Variants in PICALM observed in about 807,000 individuals in gnomAD.
The protein encoded by PICALM is phosphatidylinositol binding clathrin assembly protein.
In PICALM, 40 loss-of-function variants were observed where a neutral mutation model predicts 80.5. That is an observed-to-expected ratio of 0.50 (90% CI 0.39 to 0.65). The LOEUF is 0.65. Among genes scored for constraint, PICALM ranks in the 30% least tolerant of loss-of-function variants. The pLI is 0.00. For missense variants in PICALM, 676 were observed against 778.9 expected (o/e 0.87, Z 1.57); for synonymous variants, 288 against 260.3 (o/e 1.11, Z -1.02).
chr11:86,035,789 A>C (rs1387052612), intron 1 of PICALM, among the ~76,000 whole-genome samples: 1 of 151,612 alleles, frequency 6.6e-6, no homozygotes, highest in Non-Finnish European at 1.5e-5. Context: ...CTAAAAAAAA[A>C]ACACAAAAAT....
At chr11:85,982,350 AT>A (rs1300216698) in intron 14 of PICALM, among the ~76,000 whole-genome samples, 6 of 151,844 alleles carry the variant, frequency 4.0e-5, no homozygotes, top group Non-Finnish European at 1.5e-5. Context: ...ATCTAAAGCA[AT>A]ATAGGTTAAA....
At chr11:85,978,651 A>AG (rs1185944745) in intron 17 of PICALM, 2 of 152,134 alleles carry the variant, frequency 1.3e-5, no homozygotes. Context: ...AAACTCCATA[A>AG]AATACATATA....
At chr11:86,010,931 G>T (rs532670664) in intron 7 of PICALM, 99 bp downstream of exon 7, 3 of 658,976 alleles carry the variant, frequency 4.6e-6, no homozygotes, top group Non-Finnish European at 8.1e-6. Context: ...ATACTAAATT[G>T]AAGACATTTA....
At chr11:86,061,900 A>G (rs1350576618) in intron 1 of PICALM, among the ~76,000 whole-genome samples, 2 of 152,136 alleles carry the variant, frequency 1.3e-5, no homozygotes, top group Admixed American at 6.5e-5. Flanking sequence ...ACCCGGGTAT[A>G]TCCAGATAAT....
intron 1 of PICALM, among the ~76,000 whole-genome samples, chr11:86,039,696 T>C (rs1199845066): frequency 1.3e-5 from 2 of 152,136 alleles, no homozygotes; most frequent in Non-Finnish European, 2.9e-5. Flanking sequence ...CCTGGGAATA[T>C]ATACCACATA....
At chr11:85,999,803 T>C (rs1157617552) in intron 11 of PICALM, among the ~76,000 whole-genome samples, 1 of 152,218 alleles carries the variant, frequency 6.6e-6, no homozygotes, top group Non-Finnish European at 1.5e-5. Context: ...ACATTTAACA[T>C]GTGCTAATAA....
chr11:86,002,189 T>C (rs999004132), intron 9 of PICALM, among the ~76,000 whole-genome samples: 4 of 152,230 alleles, frequency 2.6e-5, no homozygotes. Flanking sequence ...ATGAGACTTA[T>C]TGTTTTGACT....
At chr11:85,986,548 G>A (rs988825824) in intron 13 of PICALM, among the ~76,000 whole-genome samples, 81 of 150,504 alleles carry the variant, frequency 5.4e-4, no homozygotes, top group Admixed American at 5.0e-3. Context: ...CCGCCACCGC[G>A]CCCGGCTAAT....
rs1202577739 is a variant in PICALM at position 86,001,105 on chromosome 11, A to G, written c.947T>C (p.Leu316Pro). The G allele has an allele frequency of 6.2e-7, 1 of 1,613,998 alleles. No homozygotes were observed. The highest frequency in any genetic ancestry group is 8.5e-7 in the Non-Finnish European group (1 of 1,179,846). ...CTTTTCCCTTTCATCCACTTTGGTC[A>G]GAGATAGACCAGTGCTTGCCAGGGA... Reference protein sequence around the residue: ...VSSLASTGLSLTKVDEREKQA... With the variant: ...VSSLASTGLSPTKVDEREKQA... The change falls in exon 10 of 20, where the codon CTG becomes CCG. Residue 316 changes from leucine to proline, a missense_variant. Leu to Pro is a moderately conservative substitution (Grantham distance 98). This residue lies in a region of PICALM where 285 missense variants were observed against 395.4 expected (regional missense o/e 0.72). Transcript: ENST00000393346.
chr11:85,971,410 T>G (rs1243629165), intron 19 of PICALM, among the ~76,000 whole-genome samples: 1 of 152,102 alleles, frequency 6.6e-6, no homozygotes, highest in African/African-American at 2.4e-5. Flanking sequence ...TATGTGGGTT[T>G]TAGAAGGCAA....
In PICALM at chr11:85,982,022, C is replaced by T; in HGVS notation, c.1517-19G>A. ...TCAAAGCCTTAAAGTTACAAACAGA[C>T]GAAATAGAATTTGTAAGGAACTTTA... On this transcript the variant is annotated intron_variant, in intron 14 of 19. Coordinates refer to ENST00000393346, the MANE Select transcript of PICALM (RefSeq NM_007166.4). The T allele has an allele frequency of 5.0e-6, 8 of 1,610,162 alleles. No homozygotes were observed. Among genetic ancestry groups the T allele is most frequent in the South Asian group, 1.1e-5 (1 of 90,978 alleles).
At chr11:85,993,654 G>T (rs188851875) in intron 12 of PICALM, among the ~76,000 whole-genome samples, 1 of 151,830 alleles carries the variant, frequency 6.6e-6, no homozygotes, top group Non-Finnish European at 1.5e-5. Context: ...GGCCAGGCTG[G>T]TCTCAAATTC....
chr11:86,008,406 G>A (rs1334767966), intron 7 of PICALM, among the ~76,000 whole-genome samples: 1 of 152,038 alleles, frequency 6.6e-6, no homozygotes, highest in African/African-American at 2.4e-5. Context: ...CGGATCACGA[G>A]GTCAGGAGAT....
chr11:86,000,936 G>GTAGC, intron 10 of PICALM, 99 bp downstream of exon 10: 1 of 1,495,030 alleles, frequency 6.7e-7, no homozygotes, highest in South Asian at 1.3e-5. Context: ...AGCCCATTAG[G>GTAGC]TAGCTATACA....
intron 19 of PICALM, among the ~76,000 whole-genome samples, chr11:85,969,357 G>C (rs2094021176): frequency 6.6e-6 from 1 of 152,168 alleles, no homozygotes; most frequent in Admixed American, 6.5e-5. Context: ...ACACTTCAAA[G>C]AGCAAGGAAG....
intron 19 of PICALM, among the ~76,000 whole-genome samples, chr11:85,961,292 C>T (rs554906150): frequency 6.6e-6 from 1 of 152,174 alleles, no homozygotes; most frequent in Non-Finnish European, 1.5e-5. Context: ...ACTTTTTACA[C>T]GAAGTTGTCT....
At chr11:86,047,688 T>A (rs1452256090) in intron 1 of PICALM, among the ~76,000 whole-genome samples, 1 of 152,180 alleles carries the variant, frequency 6.6e-6, no homozygotes, top group Non-Finnish European at 1.5e-5. Context: ...AACACATTCT[T>A]GGTTAGTCAT....
Position 86,006,122 on chromosome 11 carries a change from T to C in PICALM, c.807+1420A>G, listed in dbSNP as rs146580687. ...AACAGGTGAATCTAAAGTTGCCAAA[T>C]CATTTTATAATATACGTTATTCAAG... On this transcript the variant is annotated intron_variant, in intron 8 of 19. Coordinates refer to ENST00000393346, the MANE Select transcript of PICALM (RefSeq NM_007166.4). Among the ~76,000 whole-genome samples, 384 of 152,338 alleles carry C rather than the reference T, an allele frequency of 2.5e-3. 1 individual carries two copies. The highest frequency in any genetic ancestry group is 9.0e-3 in the African/African-American group (374 of 41,582).
chr11:86,030,912 C>T (rs952840316), intron 2 of PICALM, among the ~76,000 whole-genome samples: 1 of 152,044 alleles, frequency 6.6e-6, no homozygotes, highest in Non-Finnish European at 1.5e-5. Flanking sequence ...CCCAGAAGTT[C>T]AAGACCAGCC....
Sources: allele counts gnomAD v4.1 joint callset (sites outside exome capture counted in the v4.1 genomes callset), GRCh38; gene constraint gnomAD v4.1.1; regional missense constraint gnomAD v4.1.1; transcripts MANE v1.5; gene names NCBI Gene and HGNC (gene_info 2026-07-23, HGNC 2026-07-21).